Variants in ADGRV1 observed in about 807,000 individuals in gnomAD.
ADGRV1 encodes the protein G-protein coupled receptor 98.
ADGRV1 carries 359 observed loss-of-function variants against 596.2 expected under a neutral mutation model. That is an observed-to-expected ratio of 0.60 (90% CI 0.55 to 0.66). The LOEUF is 0.66. Ranked by LOEUF, ADGRV1 falls within the 30% of genes least tolerant of loss-of-function variation. The probability of loss-of-function intolerance (pLI) is 0.00; values close to 1 mark genes in which losing one functional copy is unlikely to be tolerated. For missense variants in ADGRV1, 7,274 were observed against 7,575.6 expected (o/e 0.96, Z 1.48); for synonymous variants, 2,681 against 2,679.2 (o/e 1.00, Z -0.02).
intron 45 of ADGRV1, among the ~76,000 whole-genome samples, chr5:90,722,597 C>A (rs10036258): frequency 0.73 from 109,861 of 150,586 alleles, 40,873 homozygotes; most frequent in African/African-American, 0.87. Context: ...GCCTATAATC[C>A]CAGCTACTTG....
At chr5:90,832,264 A>G (rs912583126) in intron 77 of ADGRV1, among the ~76,000 whole-genome samples, 12 of 152,068 alleles carry the variant, frequency 7.9e-5, no homozygotes, top group African/African-American at 2.9e-4. Flanking sequence ...ACTAGCATTC[A>G]TTATTGCCTT....
chr5:90,679,399 T>C lies in ADGRV1; in HGVS notation c.5444-150T>C, dbSNP rs369282007. 20 of 528,850 alleles carry C rather than the reference T, an allele frequency of 3.8e-5. No homozygotes were observed. In the East Asian group the frequency reaches 3.8e-4, roughly 10 times the overall value. 32.8% of individuals were successfully genotyped at this position (528,850 alleles called of 1,614,324 possible). ...TGACTGGTGCTATAATTCTACTATT[T>C]AAAATGATCCATTTCTTATGGAAGA... On this transcript the variant is annotated intron_variant, in intron 25 of 89. Transcript: ENST00000405460.
At chr5:90,701,080 C>G (rs192152978) in intron 34 of ADGRV1, among the ~76,000 whole-genome samples, 1 of 152,086 alleles carries the variant, frequency 6.6e-6, no homozygotes, top group Non-Finnish European at 1.5e-5. Flanking sequence ...TGAAATATGT[C>G]ACTAACTTTT....
At chr5:90,904,272 A>C (rs1489731212) in intron 83 of ADGRV1, among the ~76,000 whole-genome samples, 2 of 152,118 alleles carry the variant, frequency 1.3e-5, no homozygotes, top group Admixed American at 1.3e-4. Context: ...TTTTGGGTAT[A>C]TACCCAGCAG....
chr5:90,562,075 T>C (rs1176349218), intron 1 of ADGRV1, among the ~76,000 whole-genome samples: 1 of 152,202 alleles, frequency 6.6e-6, no homozygotes, highest in East Asian at 1.9e-4. Context: ...GAGAGGTCTT[T>C]CTTCTCTTAA....
chr5:90,560,062 T>G (rs1391888009), intron 1 of ADGRV1, among the ~76,000 whole-genome samples: 3 of 152,156 alleles, frequency 2.0e-5, no homozygotes, highest in Non-Finnish European at 4.4e-5. Context: ...TGAACTGTGT[T>G]ATAATAAAAT....
rs367951466 is a variant in ADGRV1, at chr5:90,951,160, TGTC to T, written c.17857-14251_17857-14249del. On this transcript the variant is annotated intron_variant, in intron 83 of 89. Transcript: ENST00000405460. ...TAGGAAACATTTCATTGCTCTGTAA[TGTC>T]GTCCGTATAGCCCACCTCAGTGCTA... Among the ~76,000 whole-genome samples the T allele has an allele frequency of 3.1e-3, 465 of 152,328 alleles. 1 individual carries two copies. The highest frequency in any genetic ancestry group is 0.011 in the African/African-American group (450 of 41,578).
chr5:91,027,771 A>G (rs891020785), intron 85 of ADGRV1, among the ~76,000 whole-genome samples: 4 of 152,202 alleles, frequency 2.6e-5, no homozygotes, highest in Non-Finnish European at 5.9e-5. Context: ...AACAGCGGCC[A>G]AAGATAAACA....
At chr5:90,614,732 GCTGT>G (rs968451727) in intron 1 of ADGRV1, 99 bp from the exon 2 acceptor site, 11 of 856,730 alleles carry the variant, frequency 1.3e-5, no homozygotes, top group Admixed American at 1.0e-4. Context: ...TTAGTTGTTT[GCTGT>G]CTAACTCTTC....
chr5:90,754,440 T>C (rs1035061138), intron 54 of ADGRV1, among the ~76,000 whole-genome samples: 3 of 152,194 alleles, frequency 2.0e-5, no homozygotes, highest in Non-Finnish European at 4.4e-5. Context: ...AACATGTGGT[T>C]ATGTTCCTGG....
intron 83 of ADGRV1, among the ~76,000 whole-genome samples, chr5:90,943,599 T>A (rs1776338426): frequency 6.6e-6 from 1 of 152,162 alleles, no homozygotes; most frequent in Non-Finnish European, 1.5e-5. Context: ...TGTAACAAAT[T>A]ACCGTAAACT....
In ADGRV1 at chr5:91,061,851, A is replaced by G. The variant is rs1026309005; in HGVS notation, c.18153-10596A>G. ...GTGATCCTGTGCATCTTCAAGAGCA[A>G]TGTTGTTTAAAGAATAGTTGTGTGT... On this transcript the variant is annotated intron_variant, in intron 85 of 89. Coordinates refer to ENST00000405460, the MANE Select transcript of ADGRV1 (RefSeq NM_032119.4). Among the ~76,000 whole-genome samples, 3 of 152,220 alleles carry G rather than the reference A, an allele frequency of 2.0e-5. No individual in the cohort carries two copies. The East Asian group carries it at 5.8e-4, about 29-fold the overall frequency.
chr5:90,939,897 AT>A (rs761084865), intron 83 of ADGRV1, among the ~76,000 whole-genome samples: 16 of 152,174 alleles, frequency 1.1e-4, no homozygotes, highest in Non-Finnish European at 2.4e-4. Context: ...ATTAAGAGAG[AT>A]TAGACATATA....
chr5:90,674,382 G>A, intron 23 of ADGRV1, 148 bp downstream of exon 23: 1 of 448,418 alleles, frequency 2.2e-6, no homozygotes, highest in East Asian at 3.3e-5. Context: ...GTATGCTACT[G>A]TTTTGAGAGA....
At chr5:90,950,667 A>G (rs1776981549) in intron 83 of ADGRV1, among the ~76,000 whole-genome samples, 1 of 152,146 alleles carries the variant, frequency 6.6e-6, no homozygotes. Flanking sequence ...TTGAGAACCA[A>G]TTATACAGGA....
chr5:90,705,869 C>T (rs976563599), intron 37 of ADGRV1, among the ~76,000 whole-genome samples: 2 of 152,182 alleles, frequency 1.3e-5, no homozygotes, highest in African/African-American at 4.8e-5. Flanking sequence ...TGGCTCTATT[C>T]CATATGTCTG....
chr5:90,589,974 AT>A (rs1457314821), intron 1 of ADGRV1, among the ~76,000 whole-genome samples: 8 of 152,076 alleles, frequency 5.3e-5, no homozygotes, highest in Admixed American at 3.3e-4. Context: ...ATATTTGTAC[AT>A]TTTTTTCTAT....
chr5:90,827,606 T>C (rs1764174704), intron 76 of ADGRV1, among the ~76,000 whole-genome samples: 1 of 152,234 alleles, frequency 6.6e-6, no homozygotes, highest in Non-Finnish European at 1.5e-5. Flanking sequence ...CGCTTGGCCA[T>C]ACTAGGTCTT....
At chr5:90,667,902 G>A (rs1015760875) in intron 21 of ADGRV1, among the ~76,000 whole-genome samples, 6 of 152,146 alleles carry the variant, frequency 3.9e-5, no homozygotes, top group Non-Finnish European at 1.5e-5. Flanking sequence ...GTTGGGGGGT[G>A]CCTCCCAGTT....
Sources: gnomAD v4.1 joint callset for allele counts (sites outside exome capture counted in the v4.1 genomes callset) on GRCh38, gnomAD v4.1.1 for gene constraint, MANE v1.5 for transcripts, NCBI Gene and HGNC (gene_info 2026-07-23, HGNC 2026-07-21) for gene names.